Variants in CA5A observed in about 807,000 individuals in gnomAD.
CA5A encodes the protein carbonic anhydrase 5A, mitochondrial.
A neutral mutation model predicts 37.1 loss-of-function variants in CA5A; 28 were observed. The observed-to-expected ratio is 0.75, with a 90% CI of 0.56 to 1.03. CA5A has a LOEUF of 1.03. Ranked by LOEUF, CA5A falls within the 50% of genes least tolerant of loss-of-function variation. The pLI is 0.00. For missense variants in CA5A, 444 were observed against 399.9 expected, an observed-to-expected ratio of 1.11 and a Z score of -0.94; for synonymous variants, 171 against 158.4, an observed-to-expected ratio of 1.08 and a Z score of -0.60.
rs756285861 is a variant in CA5A, at chr16:87,926,859, C to T, written c.229G>A (p.Asp77Asn). 2 of 1,613,522 alleles carry T rather than the reference C, an allele frequency of 1.2e-6. No individual in the cohort carries two copies. The highest frequency in any genetic ancestry group is 1.7e-5 in the Admixed American group (1 of 59,930). ...INIQWRDSVYDPQLKPLRVSY... is the reference protein window; with the variant it reads ...INIQWRDSVYNPQLKPLRVSY... Reference sequence around the variant, plus strand: ...ACCCTGAGTGGCTTCAGCTGGGGGTCATAGACGCTGTCCCTCCACTGGATG... The same window carrying T: ...ACCCTGAGTGGCTTCAGCTGGGGGTTATAGACGCTGTCCCTCCACTGGATG... Residue 77 changes from aspartate (D) to asparagine (N), a missense_variant, in exon 2 of 7, where the codon GAC becomes AAC. Asp to Asn is a conservative substitution (Grantham distance 23). Transcript: ENST00000649794.
intron 2 of CA5A, among the ~76,000 whole-genome samples, chr16:87,920,846 TGCAATGGCACGATCTCGGCTGACC>T (rs2056220559): frequency 6.6e-6 from 1 of 151,982 alleles, no homozygotes; most frequent in African/African-American, 2.4e-5. Context: ...CAGGCTGGAG[TGCAATGGCACGATCTCGGCTGACC>T]GCAACCTCCA....
intron 2 of CA5A, among the ~76,000 whole-genome samples, chr16:87,924,951 T>A (rs1174509048): frequency 6.6e-6 from 1 of 152,196 alleles, no homozygotes; most frequent in Non-Finnish European, 1.5e-5. Context: ...CTCTCCCCAA[T>A]CACAGAGGAA....
rs898042965 is a variant in CA5A at position 87,892,965 on chromosome 16, G to T, written c.619-1011C>A. The T allele has an allele frequency of 4.0e-6, 4 of 1,006,854 alleles. No individual in the cohort carries two copies. In the Admixed American group the frequency reaches 7.5e-5, roughly 19 times the overall value. The allele number at this position is 1,006,854 out of a possible 1,614,324, so 62.4% of individuals were successfully genotyped here. ...CCCGGCCTATGGGCTCCTTTTTAAGGAGGGAGTCATGGTGGCCAAGAAGGA... is the reference window on the plus strand; with the variant it reads ...CCCGGCCTATGGGCTCCTTTTTAAGTAGGGAGTCATGGTGGCCAAGAAGGA... On this transcript the variant is annotated intron_variant, in intron 5 of 6. Transcript: ENST00000649794.
chr16:87,903,747 GAA>G (rs911509614), intron 3 of CA5A, among the ~76,000 whole-genome samples: 6 of 152,292 alleles, frequency 3.9e-5, no homozygotes, highest in Non-Finnish European at 5.9e-5. Context: ...TCAAAAAACA[GAA>G]AGAGTCCTCA....
rs767312477 is a variant in CA5A, at chr16:87,926,599, TCCTC to T, written c.340+145_340+148del. 9.2e-4 allele frequency: 587 copies of T among 640,494 alleles called. 1 individual carries two copies. Among genetic ancestry groups the T allele is most frequent in the Non-Finnish European group, 1.4e-3 (509 of 365,784 alleles). The allele number at this position is 640,494 out of a possible 1,614,324, so 39.7% of individuals were successfully genotyped here. On this transcript the variant is annotated intron_variant, in intron 2 of 6. Transcript: ENST00000649794. Reference sequence around the variant, plus strand: ...ACCTTCACACCATCCCCCAGGTGTGTCCTCCCTCAAGCGAGTCTCTGTCCCTGCC... The same window carrying T: ...ACCTTCACACCATCCCCCAGGTGTGTCCTCAAGCGAGTCTCTGTCCCTGCC...
chr16:87,913,075 C>T (rs137967907), intron 2 of CA5A, among the ~76,000 whole-genome samples: 1,576 of 152,032 alleles, frequency 0.01, 26 homozygotes, highest in African/African-American at 0.037. Context: ...CCTCCGCCTC[C>T]TAGGTTCAAG....
chr16:87,894,621 G>A (rs1204045379), intron 5 of CA5A, among the ~76,000 whole-genome samples: 1 of 151,504 alleles, frequency 6.6e-6, no homozygotes, highest in East Asian at 1.9e-4. Context: ...GCTCATGCCT[G>A]TAATCGCAGC....
chr16:87,891,737 C>G, intron 6 of CA5A, 62 bp downstream of exon 6: 2 of 1,374,796 alleles, frequency 1.5e-6, no homozygotes, highest in South Asian at 3.3e-5. Flanking sequence ...CTTAGTGACG[C>G]TGCCAAGCAA....
intron 1 of CA5A, among the ~76,000 whole-genome samples, chr16:87,929,729 G>T (rs565300663): frequency 1.3e-5 from 2 of 150,772 alleles, no homozygotes; most frequent in African/African-American, 4.9e-5. Flanking sequence ...AAAATTAGCC[G>T]GGCGTGGTGG....
chr16:87,914,506 G>T (rs2056102142), intron 2 of CA5A, among the ~76,000 whole-genome samples: 1 of 152,196 alleles, frequency 6.6e-6, no homozygotes, highest in Admixed American at 6.5e-5. Context: ...TGTCTCCAAG[G>T]CTGAGGAACT....
Position 87,909,853 on chromosome 16 carries a change from C to G in CA5A, c.341-4949G>C, listed in dbSNP as rs1309415662. ...TTCGTTACTCTTCCTGTAGACAACA[C>G]AGCATGGGGTCAGGAGTGGGGTCTG... On this transcript the variant is annotated intron_variant, in intron 2 of 6. Coordinates refer to ENST00000649794, the MANE Select transcript of CA5A (RefSeq NM_001739.2). Among the ~76,000 whole-genome samples the G allele has an allele frequency of 2.0e-5, 3 of 152,202 alleles. No individual in the cohort carries two copies. The East Asian group carries it at 5.8e-4, about 29-fold the overall frequency.
At chr16:87,914,322 C>T (rs2056097771) in intron 2 of CA5A, among the ~76,000 whole-genome samples, 2 of 152,188 alleles carry the variant, frequency 1.3e-5, no homozygotes, top group Non-Finnish European at 2.9e-5. Flanking sequence ...CCTGCATCCA[C>T]AGTGATTTCT....
intron 3 of CA5A, among the ~76,000 whole-genome samples, chr16:87,903,811 A>T (rs1945655450): frequency 6.6e-6 from 1 of 152,216 alleles, no homozygotes; most frequent in Admixed American, 6.5e-5. Flanking sequence ...AGGTGTGATA[A>T]AGTGAATATG....
Position 87,917,610 on chromosome 16 carries a change from CAT to C in CA5A, c.340+9136_340+9137del, listed in dbSNP as rs981616999. 6.0e-5 allele frequency among the ~76,000 whole-genome samples: 9 copies of C among 151,034 alleles called. 1 individual carries two copies. The South Asian group carries it at 1.0e-3, about 17-fold the overall frequency. On this transcript the variant is annotated intron_variant, in intron 2 of 6. Coordinates refer to ENST00000649794, the MANE Select transcript of CA5A (RefSeq NM_001739.2). Reference sequence around the variant, plus strand: ...CGTGTGCACACATGCACACACCACACATGTGCACACACAAACACACATGTGCG... The same window carrying C: ...CGTGTGCACACATGCACACACCACACGTGCACACACAAACACACATGTGCG...
chr16:87,935,687 C>T (rs1219325478), intron 1 of CA5A, among the ~76,000 whole-genome samples: 1 of 151,714 alleles, frequency 6.6e-6, no homozygotes, highest in Non-Finnish European at 1.5e-5. Context: ...ACCAGCCTGG[C>T]CAACATGGTG....
At chr16:87,905,681 G>A (rs1308001441) in intron 2 of CA5A, among the ~76,000 whole-genome samples, 1 of 152,198 alleles carries the variant, frequency 6.6e-6, no homozygotes, top group Admixed American at 6.5e-5. Flanking sequence ...TAAATAAGAA[G>A]ACCCTGAGCT....
intron 2 of CA5A, among the ~76,000 whole-genome samples, chr16:87,923,220 GCT>G (rs1283595563): frequency 6.6e-6 from 1 of 152,040 alleles, no homozygotes; most frequent in African/African-American, 2.4e-5. Flanking sequence ...ATGGAGTCTC[GCT>G]CTGTCACCCA....
intron 1 of CA5A, among the ~76,000 whole-genome samples, chr16:87,934,369 G>C (rs1028344176): frequency 6.6e-6 from 1 of 152,172 alleles, no homozygotes; most frequent in Non-Finnish European, 1.5e-5. Flanking sequence ...GGGAGTTCAA[G>C]ACCACCCTGA....
chr16:87,909,437 G>A (rs1433393622), intron 2 of CA5A, among the ~76,000 whole-genome samples: 1 of 152,226 alleles, frequency 6.6e-6, no homozygotes. Context: ...CGAAACGTTC[G>A]TTCTTCTAAG....
Sources: gnomAD v4.1 joint callset for allele counts (sites outside exome capture counted in the v4.1 genomes callset) on GRCh38, gnomAD v4.1.1 for gene constraint, MANE v1.5 for transcripts, NCBI Gene and HGNC (gene_info 2026-07-23, HGNC 2026-07-21) for gene names.